Variants in PAM observed in about 807,000 individuals in gnomAD.
The protein encoded by PAM is peptidylglycine alpha-amidating monooxygenase.
In PAM, 72 loss-of-function variants were observed where a neutral mutation model predicts 122.1. The ratio of observed to expected loss-of-function variants is 0.59; its 90% CI spans 0.49 to 0.72. PAM has a LOEUF of 0.72. Ranked by LOEUF, PAM falls within the 30% of genes least tolerant of loss-of-function variation. The probability of loss-of-function intolerance (pLI) is 0.00; values close to 1 mark genes in which losing one functional copy is unlikely to be tolerated. For missense variants in PAM, 1,106 were observed against 1,183.7 expected (o/e 0.93, Z 0.96); for synonymous variants, 389 against 404.4 (o/e 0.96, Z 0.46).
intron 3 of PAM, among the ~76,000 whole-genome samples, chr5:102,870,510 T>A (rs1228948090): frequency 6.6e-6 from 1 of 152,180 alleles, no homozygotes; most frequent in Non-Finnish European, 1.5e-5. Context: ...GACTTTAAAG[T>A]GGCAATTAAA....
intron 4 of PAM, among the ~76,000 whole-genome samples, chr5:102,910,199 G>C (rs932572548): frequency 6.6e-6 from 1 of 151,800 alleles, no homozygotes; most frequent in African/African-American, 2.4e-5. Context: ...AGAGAATTTT[G>C]TGGCCCTGAT....
intron 1 of PAM, among the ~76,000 whole-genome samples, chr5:102,780,018 G>A (rs949732078): frequency 4.6e-5 from 7 of 150,620 alleles, no homozygotes; most frequent in Non-Finnish European, 8.9e-5. Flanking sequence ...AATTTGGAGA[G>A]TTCCAGAAAC....
chr5:102,996,201 G>A (rs944906338), intron 16 of PAM, among the ~76,000 whole-genome samples: 5 of 152,172 alleles, frequency 3.3e-5, no homozygotes, highest in African/African-American at 9.7e-5. Context: ...ATAAAGAACT[G>A]ATGAATTCCA....
At chr5:102,862,361 G>A (rs1002077309) in intron 1 of PAM, among the ~76,000 whole-genome samples, 12 of 151,638 alleles carry the variant, frequency 7.9e-5, no homozygotes, top group Non-Finnish European at 1.5e-4. Flanking sequence ...TTGTTATTAC[G>A]AACAATACTA....
chr5:102,867,492 G>A (rs1274256463), intron 3 of PAM, 99 bp downstream of exon 3: 3 of 763,792 alleles, frequency 3.9e-6, no homozygotes, highest in African/African-American at 3.5e-5. Context: ...TTCTTTAAAC[G>A]TAGGCATTTG....
chr5:102,844,486 G>A (rs1779464302), intron 1 of PAM, among the ~76,000 whole-genome samples: 1 of 152,064 alleles, frequency 6.6e-6, no homozygotes, highest in Admixed American at 6.6e-5. Context: ...GGGTAACATA[G>A]CGAGACCCCC....
At chr5:102,897,226 G>A (rs886094128) in intron 3 of PAM, among the ~76,000 whole-genome samples, 1 of 151,490 alleles carries the variant, frequency 6.6e-6, no homozygotes, top group Non-Finnish European at 1.5e-5. Flanking sequence ...ATGTGGAAAC[G>A]TAGGACTTTA....
chr5:102,909,086 A>AT (rs1046881864), intron 4 of PAM, among the ~76,000 whole-genome samples: 1 of 151,474 alleles, frequency 6.6e-6, no homozygotes, highest in Non-Finnish European at 1.5e-5. Flanking sequence ...AGGGTTTGTA[A>AT]TTTTTTTTAT....
chr5:103,006,293 T>A lies in PAM; in HGVS notation c.1804-508T>A, dbSNP rs140516329. Among the ~76,000 whole-genome samples, 4 of 152,302 alleles carry A rather than the reference T, an allele frequency of 2.6e-5. No individual in the cohort carries two copies. The East Asian group carries it at 7.7e-4, about 29-fold the overall frequency. ...TTTTATGTTTTTTTCTTAAACTACC[T>A]TAATCTTCTATAAATTGAGGCTAGG... On this transcript the variant is annotated intron_variant, in intron 18 of 25. Coordinates refer to ENST00000438793, the MANE Select transcript of PAM (RefSeq NM_001177306.2).
chr5:102,887,543 CA>C (rs1463034814), intron 3 of PAM, among the ~76,000 whole-genome samples: 1 of 151,922 alleles, frequency 6.6e-6, no homozygotes. Flanking sequence ...AGCACATTAG[CA>C]AGTAAAGCTT....
intron 3 of PAM, among the ~76,000 whole-genome samples, chr5:102,900,263 G>C (rs529403918): frequency 2.7e-5 from 3 of 109,532 alleles, no homozygotes; most frequent in Non-Finnish European, 5.2e-5. Context: ...GTGGGGGGGG[G>C]GCGGGGGGAA....
At chr5:102,935,658 C>A (rs937274383) in intron 7 of PAM, among the ~76,000 whole-genome samples, 7 of 152,108 alleles carry the variant, frequency 4.6e-5, no homozygotes, top group African/African-American at 1.7e-4. Flanking sequence ...GAGCAAGTCC[C>A]ATATCCTTGC....
intron 14 of PAM, among the ~76,000 whole-genome samples, chr5:102,972,448 A>G (rs1439259352): frequency 6.6e-6 from 1 of 151,790 alleles, no homozygotes; most frequent in Non-Finnish European, 1.5e-5. Flanking sequence ...CACCCAGCTA[A>G]TTTTTTTATT....
chr5:102,958,540 A>G (rs1159496930), intron 12 of PAM, among the ~76,000 whole-genome samples: 1 of 152,302 alleles, frequency 6.6e-6, no homozygotes, highest in East Asian at 1.9e-4. Flanking sequence ...CCATGAAGAC[A>G]TGTGTAGTGA....
intron 15 of PAM, among the ~76,000 whole-genome samples, chr5:102,980,135 A>G (rs1478060945): frequency 6.6e-6 from 1 of 152,162 alleles, no homozygotes; most frequent in African/African-American, 2.4e-5. Flanking sequence ...ACAAGCAATC[A>G]AGCTTGAAAT....
intron 1 of PAM, among the ~76,000 whole-genome samples, chr5:102,802,271 T>G (rs1243053951): frequency 2.0e-5 from 3 of 152,242 alleles, no homozygotes; most frequent in Non-Finnish European, 4.4e-5. Flanking sequence ...ATAATTCCTT[T>G]GATTTTTAGA....
At chr5:102,975,652 C>A (rs552735159) in intron 15 of PAM, among the ~76,000 whole-genome samples, 2 of 152,238 alleles carry the variant, frequency 1.3e-5, no homozygotes, top group African/African-American at 2.4e-5. Context: ...GAGTATGATG[C>A]CTAGAAATTT....
At chr5:103,006,488 T>C (rs1779013703) in intron 18 of PAM, among the ~76,000 whole-genome samples, 1 of 152,180 alleles carries the variant, frequency 6.6e-6, no homozygotes, top group South Asian at 2.1e-4. Context: ...TGTAGTATTA[T>C]CTAAGGAAAG....
At chr5:102,950,025 C>A in intron 11 of PAM, 47 bp downstream of exon 11, 1 of 961,188 alleles carries the variant, frequency 1.0e-6, no homozygotes, top group Non-Finnish European at 1.7e-6. Flanking sequence ...TATTAACCAG[C>A]AGAAAGTAAT....
Sources: allele counts gnomAD v4.1 joint callset (sites outside exome capture counted in the v4.1 genomes callset), GRCh38; gene constraint gnomAD v4.1.1; transcripts MANE v1.5; gene names NCBI Gene and HGNC (gene_info 2026-07-23, HGNC 2026-07-21).